The following NDRG2 variants were observed in gnomAD, a reference collection of about 807,000 sequenced individuals.
NDRG2 encodes protein NDRG2.
NDRG2 carries 34 observed loss-of-function variants against 58.2 expected under a neutral mutation model. The observed-to-expected ratio is 0.58, with a 90% confidence interval of 0.44 to 0.78. The LOEUF is 0.78. NDRG2 is among the 30% of genes least tolerant of loss of function. The probability of loss-of-function intolerance (pLI) is 0.00; values close to 1 mark genes in which losing one functional copy is unlikely to be tolerated. For missense variants in NDRG2, 434 were observed against 471.2 expected (o/e 0.92, Z 0.73); for synonymous variants, 187 against 175.9 (o/e 1.06, Z -0.50).
intron 1 of NDRG2, among the ~76,000 whole-genome samples, chr14:21,060,089 C>T (rs10467756): frequency 0.57 from 87,119 of 152,018 alleles, 25,333 homozygotes; most frequent in African/African-American, 0.66. Flanking sequence ...CTATCTCTGC[C>T]TCCTTATTAC....
intron 1 of NDRG2, among the ~76,000 whole-genome samples, chr14:21,065,075 G>A (rs184778330): frequency 2.7e-4 from 41 of 152,108 alleles, no homozygotes; most frequent in African/African-American, 8.7e-4. Context: ...GGAGGCTGAG[G>A]CAGGAGAATT....
Position 21,017,010 on chromosome 14 carries a change from C to T in NDRG2, c.*586G>A, listed in dbSNP as rs1188845359. The T allele has an allele frequency of 2.2e-6, 1 of 456,414 alleles. No individual in the cohort carries two copies. The highest frequency in any genetic ancestry group is 2.3e-5 in the Admixed American group (1 of 42,574). The allele number at this position is 456,414 out of a possible 1,614,324, so 28.3% of individuals were successfully genotyped here. Reference sequence around the variant, plus strand: ...CCTTCCTGTTGCCCCAGCACCAATCCTTCCCCACACTCGTTCACTGCCCGC... The same window carrying T: ...CCTTCCTGTTGCCCCAGCACCAATCTTTCCCCACACTCGTTCACTGCCCGC... On this transcript the variant is annotated 3_prime_UTR_variant, in exon 16 of 16. Transcript: ENST00000556147.
At chr14:21,043,884 A>G (rs552582840) in intron 1 of NDRG2, 2 of 186,218 alleles carry the variant, frequency 1.1e-5, no homozygotes, top group South Asian at 2.8e-4. Flanking sequence ...GAAGGAAAGA[A>G]AAATATAAAT....
chr14:21,022,589 G>T, intron 3 of NDRG2, 92 bp from the exon 4 acceptor site: 1 of 912,096 alleles, frequency 1.1e-6, no homozygotes, highest in Non-Finnish European at 1.7e-6. Context: ...GAGTGGGTGG[G>T]CAAGAGGGAA....
chr14:21,055,380 T>C (rs1387815364), intron 1 of NDRG2, among the ~76,000 whole-genome samples: 3 of 152,240 alleles, frequency 2.0e-5, no homozygotes, highest in Non-Finnish European at 4.4e-5. Context: ...TATTTGACTT[T>C]TCCTGTATTG....
At chr14:21,052,896 G>A (rs926688553) in intron 1 of NDRG2, among the ~76,000 whole-genome samples, 3 of 152,158 alleles carry the variant, frequency 2.0e-5, no homozygotes, top group East Asian at 1.9e-4. Flanking sequence ...AGAGAAATAC[G>A]TACAAGAGAA....
upstream of NDRG2, chr14:21,025,117 G>GC (rs1025156446): frequency 6.2e-6 from 6 of 971,044 alleles, no homozygotes; most frequent in African/African-American, 9.0e-5. The surrounding 1 kb of genome is among the most constrained non-coding windows in gnomAD (Gnocchi z 5.1). Context: ...CCCCCGGCCC[G>GC]CCCCAGCCCG....
At chr14:21,052,792 A>G (rs555933207) in intron 1 of NDRG2, among the ~76,000 whole-genome samples, 1 of 152,210 alleles carries the variant, frequency 6.6e-6, no homozygotes, top group Non-Finnish European at 1.5e-5. Flanking sequence ...TCCATCCAAC[A>G]TTATTATACA....
At position 21,059,146 on chromosome 14, in the gene NDRG2, T is replaced by C. The variant is rs572695914; in HGVS notation, c.24+11682A>G. ...AGGTCTGAGGCCTGACCCCCTTGTGTGTGCGCAAGACCAGAGTTCATGTTT... is the reference window on the plus strand; with the variant it reads ...AGGTCTGAGGCCTGACCCCCTTGTGCGTGCGCAAGACCAGAGTTCATGTTT... On this transcript the variant is annotated intron_variant, in intron 1 of 14. Transcript: ENST00000403829. Among the ~76,000 whole-genome samples, 12 of 152,290 alleles carry C rather than the reference T, an allele frequency of 7.9e-5. 1 individual carries two copies. In the South Asian group the frequency reaches 2.3e-3, roughly 29 times the overall value.
At chr14:21,044,102 G>A (rs948350716) in intron 1 of NDRG2, 8 of 167,232 alleles carry the variant, frequency 4.8e-5, no homozygotes, top group African/African-American at 1.9e-4. Flanking sequence ...TCTACCAGTT[G>A]CGCAAGAAAG....
upstream of NDRG2, chr14:21,030,542 A>C (rs528648097): frequency 6.3e-7 from 1 of 1,598,366 alleles, no homozygotes; most frequent in Admixed American, 1.7e-5. Context: ...TTCACCCCCA[A>C]GTGTCTCCCA....
chr14:21,033,869 G>A (rs1314499361), intron 1 of NDRG2: 12 of 1,614,058 alleles, frequency 7.4e-6, no homozygotes, highest in Non-Finnish European at 6.8e-6. Flanking sequence ...CTTCATACTT[G>A]CGGGAGCAGA....
intron 1 of NDRG2, among the ~76,000 whole-genome samples, chr14:21,047,208 AAAT>A (rs1317362578): frequency 6.6e-6 from 1 of 152,210 alleles, no homozygotes; most frequent in African/African-American, 2.4e-5. Flanking sequence ...TAAAAATAAT[AAAT>A]AATAATAAAT....
chr14:21,018,706 C>G, intron 12 of NDRG2, 57 bp downstream of exon 12: 2 of 1,610,952 alleles, frequency 1.2e-6, no homozygotes, highest in Non-Finnish European at 1.7e-6. Flanking sequence ...ACTCTTCTGA[C>G]CACCACTTTA....
At chr14:21,065,991 T>G (rs1272392946) in intron 1 of NDRG2, among the ~76,000 whole-genome samples, 1 of 152,098 alleles carries the variant, frequency 6.6e-6, no homozygotes, top group East Asian at 1.9e-4. Context: ...CCCAACTACT[T>G]GGGAAGCTGA....
chr14:21,064,517 G>T (rs920078444), intron 1 of NDRG2, among the ~76,000 whole-genome samples: 28 of 152,106 alleles, frequency 1.8e-4, no homozygotes, highest in Non-Finnish European at 4.1e-4. Context: ...GGCCAGGCTC[G>T]TCTTGAACTC....
At chr14:21,035,887 T>C in intron 1 of NDRG2, 1 of 454,524 alleles carries the variant, frequency 2.2e-6, no homozygotes, top group Non-Finnish European at 4.4e-6. Context: ...TGCATGGTGG[T>C]TAAGATCAAG....
At chr14:21,058,443 C>T in intron 1 of NDRG2, 1 of 982,122 alleles carries the variant, frequency 1.0e-6, no homozygotes, top group South Asian at 1.6e-5. Context: ...ATCCTTGCTC[C>T]CCACTGCAAA....
chr14:21,054,665 A>C (rs900579109), intron 1 of NDRG2, among the ~76,000 whole-genome samples: 3 of 152,226 alleles, frequency 2.0e-5, no homozygotes, highest in African/African-American at 7.2e-5. Context: ...CTTTGGAGCC[A>C]AACAGAACCG....
Sources: gnomAD v4.1 joint callset for allele counts (sites outside exome capture counted in the v4.1 genomes callset) on GRCh38, gnomAD v4.1.1 for gene constraint, Gnocchi (gnomAD v3.1) non-coding constraint, MANE v1.5 for transcripts, NCBI Gene and HGNC (gene_info 2026-07-23, HGNC 2026-07-21) for gene names.